Variants in LCORL observed in about 807,000 individuals in gnomAD.
LCORL encodes ligand dependent nuclear receptor corepressor like, also known as ligand-dependent nuclear receptor corepressor-like protein.
Under a neutral mutation model 141.8 loss-of-function variants are expected in LCORL, and 41 were observed. The observed-to-expected ratio is 0.29, with a 90% confidence interval of 0.23 to 0.38. The LOEUF (loss-of-function observed/expected upper bound fraction) is 0.38. Ranked by LOEUF, LCORL falls within the 10% of genes least tolerant of loss-of-function variation. The probability of loss-of-function intolerance (pLI) is 1.00; values close to 1 mark genes in which losing one functional copy is unlikely to be tolerated. For missense variants in LCORL, 1,759 were observed against 2,035.0 expected (o/e 0.86, Z 2.61); for synonymous variants, 618 against 694.1 (o/e 0.89, Z 1.72).
chr4:17,954,040 G>A (rs1560397876), intron 4 of LCORL, among the ~76,000 whole-genome samples: 3 of 152,302 alleles, frequency 2.0e-5, no homozygotes, highest in Non-Finnish European at 2.9e-5. Flanking sequence ...GCGGGCGCCT[G>A]TAATCCCAGC....
exon 7 of LCORL, chr4:17,876,078 C>G (rs765247519): frequency 2.4e-6 from 3 of 1,230,894 alleles, no homozygotes; most frequent in Non-Finnish European, 2.0e-6. Context: ...GACCCCTTCA[C>G]TACTTTTAAC....
At chr4:17,883,272 CAA>C in intron 6 of LCORL, 1 of 986,750 alleles carries the variant, frequency 1.0e-6, no homozygotes, top group Non-Finnish European at 1.2e-6. Flanking sequence ...ATACATACAA[CAA>C]GTGTTAAGTC....
rs758456194 is a variant in LCORL at position 17,862,020 on chromosome 4, G to A, written c.5602+11368C>T. On this transcript the variant is annotated intron_variant, in intron 7 of 7. Transcript: ENST00000635767. ...GTTCCAGACTTTCCCACATTTTTCT[G>A]TCTTCTTCTGAGTGCTCCAAACTGT... Among the ~76,000 whole-genome samples, 5 of 152,256 alleles carry A rather than the reference G, an allele frequency of 3.3e-5. No homozygotes were observed. In the South Asian group the frequency reaches 8.3e-4, roughly 25 times the overall value.
At chr4:17,853,197 T>C (rs1723975279) in intron 7 of LCORL, among the ~76,000 whole-genome samples, 1 of 152,076 alleles carries the variant, frequency 6.6e-6, no homozygotes, top group Non-Finnish European at 1.5e-5. Flanking sequence ...TTGTACTGCA[T>C]ACTAACTCTT....
At chr4:17,939,532 T>A (rs554276582) in intron 4 of LCORL, among the ~76,000 whole-genome samples, 1 of 152,266 alleles carries the variant, frequency 6.6e-6, no homozygotes, top group South Asian at 2.1e-4. Context: ...CATAGCAGCC[T>A]CATTAATAAT....
At chr4:17,971,479 T>G (rs1252146862) in intron 2 of LCORL, among the ~76,000 whole-genome samples, 1 of 151,632 alleles carries the variant, frequency 6.6e-6, no homozygotes, top group South Asian at 2.1e-4. Context: ...TAGAAACAGC[T>G]TTGAATGACC....
chr4:17,955,900 C>T (rs1426351317), intron 4 of LCORL, among the ~76,000 whole-genome samples: 3 of 151,954 alleles, frequency 2.0e-5, no homozygotes, highest in Non-Finnish European at 4.4e-5. Context: ...AGATAGTCAA[C>T]AGTGAAAGTG....
chr4:17,897,816 C>A (rs956866399), intron 5 of LCORL, among the ~76,000 whole-genome samples: 3 of 152,146 alleles, frequency 2.0e-5, no homozygotes, highest in Non-Finnish European at 4.4e-5. Flanking sequence ...ATGTTCCAGG[C>A]TCATCTTGTA....
At chr4:17,965,874 T>C (rs116170844) in intron 2 of LCORL, among the ~76,000 whole-genome samples, 21 of 152,234 alleles carry the variant, frequency 1.4e-4, no homozygotes, top group Non-Finnish European at 2.5e-4. Context: ...AATTTTTGAG[T>C]GTTTTAATGC....
exon 7 of LCORL, chr4:17,877,193 A>G (rs1260989525): frequency 8.1e-7 from 1 of 1,230,378 alleles, no homozygotes; most frequent in African/African-American, 1.6e-5. Flanking sequence ...TTGTCTGAAT[A>G]ATTTTATTTT....
chr4:17,875,477 ATTG>A, exon 7 of LCORL: 1 of 1,231,402 alleles, frequency 8.1e-7, no homozygotes, highest in Non-Finnish European at 1.0e-6. Context: ...CACCAGCATT[ATTG>A]TTTAAAGACA....
intron 2 of LCORL, among the ~76,000 whole-genome samples, chr4:17,963,924 C>T (rs1560412509): frequency 1.3e-5 from 2 of 152,066 alleles, no homozygotes; most frequent in Non-Finnish European, 2.9e-5. Context: ...TGGTCTATCA[C>T]TGCAATTTTC....
At chr4:17,912,121 G>GA (rs1732651286) in intron 4 of LCORL, 1 of 871,238 alleles carries the variant, frequency 1.1e-6, no homozygotes, top group Non-Finnish European at 1.9e-6. Context: ...TCAAATTTTC[G>GA]CAAATACTGT....
chr4:17,995,558 G>C (rs1408657042), intron 1 of LCORL, among the ~76,000 whole-genome samples: 2 of 152,106 alleles, frequency 1.3e-5, no homozygotes, highest in Admixed American at 1.3e-4. Context: ...ATTATCCACT[G>C]ATTTCCCTAA....
intron 7 of LCORL, among the ~76,000 whole-genome samples, chr4:17,855,760 A>G (rs1480213175): frequency 6.6e-6 from 1 of 152,218 alleles, no homozygotes; most frequent in African/African-American, 2.4e-5. Context: ...ACACCAGGAC[A>G]TATGAGGGAG....
At chr4:17,908,276 C>A (rs575451253) in intron 5 of LCORL, among the ~76,000 whole-genome samples, 3 of 152,200 alleles carry the variant, frequency 2.0e-5, no homozygotes, top group African/African-American at 7.2e-5. Context: ...AGGTGATCCA[C>A]CTGCCTCGGC....
intron 1 of LCORL, among the ~76,000 whole-genome samples, chr4:18,014,412 C>G (rs1002682958): frequency 2.0e-5 from 3 of 151,824 alleles, no homozygotes; most frequent in Non-Finnish European, 4.4e-5. Context: ...GACTGAAAGA[C>G]AGTAAAACCA....
At chr4:17,903,302 G>A (rs759612289) in intron 5 of LCORL, among the ~76,000 whole-genome samples, 2 of 151,930 alleles carry the variant, frequency 1.3e-5, no homozygotes, top group African/African-American at 4.8e-5. Context: ...AATATTCATC[G>A]GATCTTATGG....
exon 8 of LCORL, chr4:17,842,571 T>C (rs1350414994): frequency 1.8e-5 from 10 of 542,966 alleles, no homozygotes; most frequent in Non-Finnish European, 3.0e-5. Context: ...CGTGTTTGCT[T>C]TTGCCTATTA....
Sources: gnomAD v4.1 joint callset for allele counts (sites outside exome capture counted in the v4.1 genomes callset) on GRCh38, gnomAD v4.1.1 for gene constraint, MANE v1.5 for transcripts, NCBI Gene and HGNC (gene_info 2026-07-23, HGNC 2026-07-21) for gene names.